Variants in PADI4 observed in about 807,000 individuals in gnomAD.
PADI4 encodes the protein peptidyl arginine deiminase 4.
In PADI4, 62 loss-of-function variants were observed where a neutral mutation model predicts 75.0. The observed-to-expected ratio is 0.83, with a 90% CI of 0.67 to 1.02. The LOEUF is 1.02. Ranked by LOEUF, PADI4 falls within the 50% of genes least tolerant of loss-of-function variation. The pLI is 0.00. For synonymous variants in PADI4, 361 were observed against 348.1 expected (o/e 1.04, Z -0.41); for missense variants, 845 against 850.5 (o/e 0.99, Z 0.08).
intron 1 of PADI4, among the ~76,000 whole-genome samples, chr1:17,312,076 G>A (rs967695705): frequency 3.3e-5 from 5 of 152,172 alleles, no homozygotes; most frequent in East Asian, 1.9e-4. Flanking sequence ...GGTTAAGGAC[G>A]TGCCCAGGAA....
At chr1:17,324,146 GTTTTTTTTGT>G (rs1041472279) in intron 1 of PADI4, among the ~76,000 whole-genome samples, 9 of 113,908 alleles carry the variant, frequency 7.9e-5, no homozygotes, top group African/African-American at 3.0e-4. Context: ...ACCAAGTTGG[GTTTTTTTTGT>G]TTTTTTTTTT....
At chr1:17,362,321 C>G (rs2074857840) in intron 15 of PADI4, among the ~76,000 whole-genome samples, 2 of 141,404 alleles carry the variant, frequency 1.4e-5, no homozygotes, top group Non-Finnish European at 3.0e-5. Flanking sequence ...CCACTGAACT[C>G]TAGCCTGGGT....
chr1:17,346,760 G>A lies in PADI4; in HGVS notation c.1047+621G>A, dbSNP rs569554360. Among the ~76,000 whole-genome samples, 5 of 151,672 alleles carry A rather than the reference G, an allele frequency of 3.3e-5. No homozygotes were observed. Among genetic ancestry groups the A allele is most frequent in the Middle Eastern group, 3.4e-3 (1 of 294 alleles). On this transcript the variant is annotated intron_variant, in intron 9 of 15. Coordinates refer to ENST00000375448, the MANE Select transcript of PADI4 (RefSeq NM_012387.3). The surrounding 1 kb of genome is among the most constrained non-coding windows in gnomAD (Gnocchi z 4.3). The stretch of plus-strand genomic sequence containing the variant: ...CCTCGGGACCCTGTCCTTCCATGCC[G>A]CACCCCTGCGGTGCTGTCTCTTGGA...
intron 11 of PADI4, among the ~76,000 whole-genome samples, chr1:17,355,478 G>A (rs1340496253): frequency 6.6e-6 from 1 of 151,652 alleles, no homozygotes. Flanking sequence ...GATCCCGGGA[G>A]GCGGAGGTTG....
At chr1:17,353,570 AC>A (rs887653925) in intron 10 of PADI4, among the ~76,000 whole-genome samples, 3 of 152,052 alleles carry the variant, frequency 2.0e-5, no homozygotes, top group Non-Finnish European at 4.4e-5. Context: ...GGCTAGATGT[AC>A]CCTCTCCTGG....
In PADI4 at chr1:17,356,865, C is replaced by T. The variant is rs1196578450; in HGVS notation, c.1558+406C>T. Reference sequence around the variant, plus strand: ...GGCGGCTCAGAGGCAGGAGAAAGCACGATGTGTGTGAGGACCTCGGGGAGG... The same window carrying T: ...GGCGGCTCAGAGGCAGGAGAAAGCATGATGTGTGTGAGGACCTCGGGGAGG... On this transcript the variant is annotated intron_variant, in intron 13 of 15. Transcript: ENST00000375448. This position sits in a 1 kb window ranked among gnomAD's most constrained non-coding sequence, Gnocchi z 4.1. Among the ~76,000 whole-genome samples the T allele has an allele frequency of 3.3e-5, 5 of 151,936 alleles. No individual in the cohort carries two copies. Among genetic ancestry groups the T allele is most frequent in the South Asian group, 2.1e-4 (1 of 4,814 alleles).
At chr1:17,337,155 T>TTATG (rs1395860815) in intron 4 of PADI4, among the ~76,000 whole-genome samples, 34 of 151,886 alleles carry the variant, frequency 2.2e-4, no homozygotes, top group South Asian at 6.2e-4. Flanking sequence ...ATTTATGTAT[T>TTATG]TATTTATTTA....
intron 3 of PADI4, among the ~76,000 whole-genome samples, chr1:17,335,920 T>C (rs2074300793): frequency 6.6e-6 from 1 of 152,228 alleles, no homozygotes; most frequent in South Asian, 2.1e-4. Context: ...GTGGCCCCGC[T>C]GAAGGGGAAC....
chr1:17,346,343 A>T lies in PADI4; in HGVS notation c.1047+204A>T, dbSNP rs1261711829. ...GTTTGCTGTGGGCCACTGCAGGCCC[A>T]CTGCAGTCACCAAGATGAAGCCACC... On this transcript the variant is annotated intron_variant, in intron 9 of 15. Transcript: ENST00000375448. This position sits in a 1 kb window ranked among gnomAD's most constrained non-coding sequence, Gnocchi z 4.3. Among the ~76,000 whole-genome samples, 1 of 152,172 alleles carries T rather than the reference A, an allele frequency of 6.6e-6. No homozygotes were observed. Among genetic ancestry groups the T allele is most frequent in the Non-Finnish European group, 1.5e-5 (1 of 68,012 alleles).
At chr1:17,337,622 AAAG>A (rs2074337774) in intron 4 of PADI4, among the ~76,000 whole-genome samples, 3 of 152,220 alleles carry the variant, frequency 2.0e-5, no homozygotes, top group African/African-American at 7.2e-5. Flanking sequence ...GCACTGGGTT[AAAG>A]AAGTGATGGG....
chr1:17,319,057 C>A (rs1346119863), intron 1 of PADI4, among the ~76,000 whole-genome samples: 1 of 152,074 alleles, frequency 6.6e-6, no homozygotes, highest in East Asian at 1.9e-4. Flanking sequence ...AGTCCTCCCA[C>A]CTCAGCCTCC....
chr1:17,330,776 G>C (rs1029178591), intron 1 of PADI4, among the ~76,000 whole-genome samples, 193 bp from the exon 2 acceptor site: 2 of 152,186 alleles, frequency 1.3e-5, no homozygotes, highest in Non-Finnish European at 2.9e-5. Context: ...TCCTCTCCCA[G>C]TCCACTGACT....
intron 1 of PADI4, among the ~76,000 whole-genome samples, chr1:17,312,064 A>G (rs557861672): frequency 6.6e-6 from 1 of 152,324 alleles, no homozygotes; most frequent in Non-Finnish European, 1.5e-5. Flanking sequence ...GTTTATTTCC[A>G]AGGTTAAGGA....
Position 17,356,496 on chromosome 1 carries a change from C to A in PADI4, c.1558+37C>A. 1 of 1,217,072 alleles carries A rather than the reference C, an allele frequency of 8.2e-7. No homozygotes were observed. The highest frequency in any genetic ancestry group is 1.2e-6 in the Non-Finnish European group (1 of 829,196). 75.4% of individuals were successfully genotyped at this position (1,217,072 alleles called of 1,614,324 possible). On this transcript the variant is annotated intron_variant, in intron 13 of 15. Coordinates refer to ENST00000375448, the MANE Select transcript of PADI4 (RefSeq NM_012387.3). This position sits in a 1 kb window ranked among gnomAD's most constrained non-coding sequence, Gnocchi z 4.1. ...CTGCCTTGTTCTCCTGTCTGTGCAC[C>A]TTCCTGCTTCCCATAGTCCGCTGTT... is the stretch of plus-strand genomic sequence containing the variant.
intron 6 of PADI4, 148 bp downstream of exon 6, chr1:17,339,961 TCTCGTCTA>T: frequency 1.3e-6 from 1 of 778,922 alleles, no homozygotes; most frequent in Non-Finnish European, 2.0e-6. Context: ...ACAGACGACA[TCTCGTCTA>T]CTACCTTCCA....
In PADI4 at chr1:17,308,208, C is replaced by T. The variant is rs79614405; in HGVS notation, c.-15C>T. On this transcript the variant is annotated 5_prime_UTR_variant, in exon 1 of 16. The change creates a new upstream start codon in the 5' untranslated region. Transcript: ENST00000375448. ...CAGGGGCTTCCTACAGCCAGAGGGA[C>T]GAGCTAGCCCGACGATGGCCCAGGG... 1,465 of 1,611,418 alleles carry T rather than the reference C, an allele frequency of 9.1e-4. 13 individuals are homozygous for T. The African/African-American group carries it at 0.016, about 18-fold the overall frequency.
rs372899755 is a variant in PADI4 at position 17,308,197 on chromosome 1, A to G, written c.-26A>G. On this transcript the variant is annotated 5_prime_UTR_variant, in exon 1 of 16. Transcript: ENST00000375448. ...AGGAACCAGCCCAGGGGCTTCCTACAGCCAGAGGGACGAGCTAGCCCGACG... is the reference window on the plus strand; with the variant it reads ...AGGAACCAGCCCAGGGGCTTCCTACGGCCAGAGGGACGAGCTAGCCCGACG... 10 of 1,605,240 alleles carry G rather than the reference A, an allele frequency of 6.2e-6. No homozygotes were observed. Among genetic ancestry groups the G allele is most frequent in the African/African-American group, 4.0e-5 (3 of 74,714 alleles).
Position 17,331,093 on chromosome 1 carries a change from G to A in PADI4, c.217G>A (p.Gly73Arg), listed in dbSNP as rs745654510. The A allele has an allele frequency of 6.2e-7, 1 of 1,612,458 alleles. No individual in the cohort carries two copies. Among genetic ancestry groups the A allele is most frequent in the South Asian group, 1.1e-5 (1 of 90,746 alleles). The change falls in exon 2 of 16, where the codon GGG becomes AGG. Residue 73 changes from glycine to arginine, a missense_variant. By Grantham distance (125) the Gly-to-Arg change is moderately radical. Transcript: ENST00000375448. ...TTCCTCCACATGGCCCCTGGACCCTGGGGTAGAGGTGACCCTGACGATGAA... is the reference window on the plus strand; with the variant it reads ...TTCCTCCACATGGCCCCTGGACCCTAGGGTAGAGGTGACCCTGACGATGAA... ...TGSSTWPLDP[G>R]VEVTLTMKVA...
Position 17,359,297 on chromosome 1 carries a change from C to CCG in PADI4, c.1650_1651dup (p.Glu551AlafsTer4). ...TCCCCAAGAGATGCATCGACTGGAA[C>CCG]CGCGAGCTGCTGAAGCGGGAGCTGG... On this transcript the variant is annotated frameshift_variant, in exon 15 of 16. Coordinates refer to ENST00000375448, the MANE Select transcript of PADI4 (RefSeq NM_012387.3). LOFTEE classifies it high-confidence loss of function. 6.5e-7 allele frequency: 1 copy of CCG among 1,538,120 alleles called. No individual in the cohort carries two copies. The highest frequency in any genetic ancestry group is 8.8e-7 in the Non-Finnish European group (1 of 1,133,430).
Sources: gnomAD v4.1 joint callset for allele counts (sites outside exome capture counted in the v4.1 genomes callset) on GRCh38, gnomAD v4.1.1 for gene constraint, Gnocchi (gnomAD v3.1) non-coding constraint, MANE v1.5 for transcripts, NCBI Gene and HGNC (gene_info 2026-07-23, HGNC 2026-07-21) for gene names.